CPAMD8: variants seen among roughly 807,000 people sequenced by gnomAD.
CPAMD8 encodes the protein C3 and PZP like alpha-2-macroglobulin domain containing 8.
A neutral mutation model predicts 224.7 loss-of-function variants in CPAMD8; 146 were observed. The observed-to-expected ratio is 0.65, with a 90% CI of 0.57 to 0.75. CPAMD8 has a LOEUF of 0.75. Among genes scored for constraint, CPAMD8 ranks in the 30% least tolerant of loss-of-function variants. The pLI is 0.00. For synonymous variants in CPAMD8, 966 were observed against 1,044.6 expected (o/e 0.92, Z 1.45); for missense variants, 2,301 against 2,537.5 (o/e 0.91, Z 2.00).
intron 3 of CPAMD8, among the ~76,000 whole-genome samples, chr19:17,017,499 C>A (rs1465833339): frequency 6.6e-6 from 1 of 152,120 alleles, no homozygotes; most frequent in African/African-American, 2.4e-5. Context: ...TCAGGGTTTC[C>A]TGAATGTGGA....
At chr19:17,001,908 C>A (rs12971584) in intron 9 of CPAMD8, among the ~76,000 whole-genome samples, 7 of 149,644 alleles carry the variant, frequency 4.7e-5, no homozygotes, top group African/African-American at 1.2e-4. Flanking sequence ...TAGCGGGTGG[C>A]CACATCCTGG....
intron 39 of CPAMD8, 161 bp from the exon 40 acceptor site, chr19:16,896,826 A>C (rs1260355476): frequency 2.3e-6 from 1 of 433,550 alleles, no homozygotes; most frequent in Non-Finnish European, 4.0e-6. Context: ...CCCTGGCCTT[A>C]TGGAATTTCA....
Position 17,002,229 on chromosome 19 carries a change from G to A in CPAMD8, c.758+37C>T, listed in dbSNP as rs2056349112. The A allele has an allele frequency of 9.5e-6, 13 of 1,370,948 alleles. No homozygotes were observed. The East Asian group carries it at 2.9e-4, about 31-fold the overall frequency. The allele number at this position is 1,370,948 out of a possible 1,614,324, so 84.9% of individuals were successfully genotyped here. On this transcript the variant is annotated intron_variant, in intron 9 of 41. Coordinates refer to ENST00000443236, the MANE Select transcript of CPAMD8 (RefSeq NM_015692.5). ...GCGTGATGGTTGGGGAAGGGGAAGG[G>A]CCCCCCCAGTGTGCCCCAGGGGTCC...
chr19:16,933,965 T>C (rs980799266), intron 23 of CPAMD8, among the ~76,000 whole-genome samples: 20 of 152,212 alleles, frequency 1.3e-4, no homozygotes, highest in African/African-American at 4.3e-4. Flanking sequence ...GATGAATACA[T>C]TGTGATATAT....
chr19:17,022,144 C>G lies in CPAMD8; in HGVS notation c.130G>C (p.Gly44Arg). The G allele has an allele frequency of 6.2e-7, 1 of 1,609,996 alleles. No homozygotes were observed. Among genetic ancestry groups the G allele is most frequent in the Non-Finnish European group, 8.5e-7 (1 of 1,178,044 alleles). Residue 44 changes from glycine (G) to arginine (R), a missense_variant, in exon 2 of 42, where the codon GGC (glycine) becomes CGC (arginine). Around this residue, in one of 4 missense-constraint regions of CPAMD8, gnomAD observed 283 missense variants for 340.6 expected, o/e 0.83. Coordinates refer to ENST00000443236, the MANE Select transcript of CPAMD8 (RefSeq NM_015692.5). ...GTCACGCTGATGACTTCCTCCACGCCCGCGCGAAAAACAGAGGGAGCTGCA... is the reference window on the plus strand; with the variant it reads ...GTCACGCTGATGACTTCCTCCACGCGCGCGCGAAAAACAGAGGGAGCTGCA... ...LIAAPSVFRAGVEEVISVTIF... is the reference protein window; with the variant it reads ...LIAAPSVFRARVEEVISVTIF...
At chr19:17,015,075 C>G (rs2056775715) in intron 3 of CPAMD8, among the ~76,000 whole-genome samples, 1 of 152,148 alleles carries the variant, frequency 6.6e-6, no homozygotes, top group Non-Finnish European at 1.5e-5. Context: ...AGCCCCGTCT[C>G]TACTGAAAAT....
chr19:16,935,329 C>T (rs1599732241), intron 23 of CPAMD8, among the ~76,000 whole-genome samples: 1 of 152,134 alleles, frequency 6.6e-6, no homozygotes, highest in Non-Finnish European at 1.5e-5. Flanking sequence ...GTACACGAAT[C>T]CACTACCACA....
At chr19:16,897,644 G>C in intron 39 of CPAMD8, 47 bp downstream of exon 39, 1 of 1,106,816 alleles carries the variant, frequency 9.0e-7, no homozygotes, top group Non-Finnish European at 1.3e-6. Context: ...TGGGAGTCGG[G>C]GTGTGGCAGG....
At chr19:16,945,777 A>ATG (rs373537612) in intron 21 of CPAMD8, 98 bp from the exon 22 acceptor site, 447 of 1,070,508 alleles carry the variant, frequency 4.2e-4, no homozygotes, top group Non-Finnish European at 5.1e-4. Flanking sequence ...GCATGCATGC[A>ATG]TGTGTGTGTG....
chr19:16,912,789 A>G (rs1388812824), intron 29 of CPAMD8, among the ~76,000 whole-genome samples: 1 of 152,168 alleles, frequency 6.6e-6, no homozygotes. Context: ...ATGTGTCATA[A>G]AAGTGTACAT....
chr19:16,997,113 TCCCC>T lies in CPAMD8; in HGVS notation c.1089_1092del (p.Gly364ArgfsTer15), dbSNP rs1214650686. The T allele has an allele frequency of 6.2e-7, 1 of 1,603,384 alleles. No individual in the cohort carries two copies. Among genetic ancestry groups the T allele is most frequent in the Non-Finnish European group, 8.5e-7 (1 of 1,170,776 alleles). On this transcript the variant is annotated frameshift_variant, in exon 11 of 42. Transcript: ENST00000443236. LOFTEE classifies it high-confidence loss of function. ...CAGCACAGTCACCCCCAAGTTACCT[TCCCC>T]ACGTAGGCCAGGCCCGGCTTGAACT...
chr19:16,973,986 C>T (rs1253374842), intron 17 of CPAMD8, among the ~76,000 whole-genome samples: 8 of 151,854 alleles, frequency 5.3e-5, no homozygotes, highest in African/African-American at 1.4e-4. Flanking sequence ...TGCACCACCA[C>T]GCCCAGCTAA....
At chr19:16,937,650 C>CTTTTTTTT (rs550702792) in intron 23 of CPAMD8, among the ~76,000 whole-genome samples, 3 of 116,808 alleles carry the variant, frequency 2.6e-5, no homozygotes, top group African/African-American at 3.3e-5. Flanking sequence ...TAACTTCATA[C>CTTTTTTTT]TTTTTTTTTT....
chr19:16,935,711 A>G (rs73525468), intron 23 of CPAMD8, among the ~76,000 whole-genome samples: 13,099 of 152,180 alleles, frequency 0.086, 1,673 homozygotes, highest in African/African-American at 0.28. Flanking sequence ...ATGAACATCT[A>G]TGTACAAGTT....
chr19:16,953,464 C>T (rs954555816), intron 19 of CPAMD8, among the ~76,000 whole-genome samples: 1 of 151,854 alleles, frequency 6.6e-6, no homozygotes. Context: ...CTTTGGGAGG[C>T]CAAGGAAGGA....
intron 22 of CPAMD8, among the ~76,000 whole-genome samples, chr19:16,943,130 C>T (rs1257370715): frequency 6.6e-6 from 1 of 151,728 alleles, no homozygotes; most frequent in Non-Finnish European, 1.5e-5. Flanking sequence ...ATCCTCCCTC[C>T]TCAGCCTCCT....
At chr19:16,919,147 G>A (rs555761827) in intron 27 of CPAMD8, among the ~76,000 whole-genome samples, 5 of 151,884 alleles carry the variant, frequency 3.3e-5, no homozygotes, top group South Asian at 2.1e-4. Flanking sequence ...AGGTTGCAGT[G>A]AGCCGAGATT....
intron 23 of CPAMD8, among the ~76,000 whole-genome samples, chr19:16,931,252 C>A (rs537740581): frequency 6.6e-6 from 1 of 152,300 alleles, no homozygotes; most frequent in Admixed American, 6.5e-5. Context: ...GTCGGCCCAG[C>A]CCAGCTCTGT....
At chr19:17,018,233 C>T (rs1028947773) in intron 3 of CPAMD8, among the ~76,000 whole-genome samples, 10 of 152,172 alleles carry the variant, frequency 6.6e-5, no homozygotes, top group African/African-American at 2.2e-4. Context: ...GAATAGCTAA[C>T]CCCCCAAATG....
Sources: gnomAD v4.1 joint callset for allele counts (sites outside exome capture counted in the v4.1 genomes callset) on GRCh38, gnomAD v4.1.1 for gene constraint, gnomAD v4.1.1 regional missense constraint, MANE v1.5 for transcripts, NCBI Gene and HGNC (gene_info 2026-07-23, HGNC 2026-07-21) for gene names.